Variants in ADAMTSL1 observed in about 807,000 individuals in gnomAD.
ADAMTSL1 encodes ADAMTS-like protein 1.
ADAMTSL1 carries 126 observed loss-of-function variants against 201.8 expected under a neutral mutation model. The observed-to-expected ratio is 0.62, with a 90% CI of 0.54 to 0.72. The LOEUF (loss-of-function observed/expected upper bound fraction) is 0.72. Among genes scored for constraint, ADAMTSL1 ranks in the 30% least tolerant of loss-of-function variants. The probability of loss-of-function intolerance (pLI) is 0.00; values close to 1 mark genes in which losing one functional copy is unlikely to be tolerated. For synonymous variants in ADAMTSL1, 1,121 were observed against 903.4 expected, an observed-to-expected ratio of 1.24 and a Z score of -4.32; for missense variants, 2,679 against 2,277.8, an observed-to-expected ratio of 1.18 and a Z score of -3.59.
intron 2 of ADAMTSL1, among the ~76,000 whole-genome samples, chr9:18,210,147 C>T (rs2132311144): frequency 6.6e-6 from 1 of 151,950 alleles, no homozygotes; most frequent in South Asian, 2.1e-4. Flanking sequence ...TAATGTCAGT[C>T]CCCAAGAGAA....
chr9:18,261,379 A>G (rs980606243), intron 2 of ADAMTSL1, among the ~76,000 whole-genome samples: 3 of 152,190 alleles, frequency 2.0e-5, no homozygotes, highest in Admixed American at 6.5e-5. Context: ...TCTAACACAG[A>G]TAAATAATAA....
intron 2 of ADAMTSL1, among the ~76,000 whole-genome samples, chr9:18,252,990 C>A (rs991212948): frequency 6.6e-6 from 1 of 152,126 alleles, no homozygotes; most frequent in Admixed American, 6.5e-5. Flanking sequence ...TAAATTTTCA[C>A]CATTAGGAAA....
At chr9:18,228,830 CAG>C (rs1830530670) in intron 2 of ADAMTSL1, among the ~76,000 whole-genome samples, 1 of 148,814 alleles carries the variant, frequency 6.7e-6, no homozygotes, top group Admixed American at 6.7e-5. Context: ...GATTGTGATT[CAG>C]AGTTTTTTTG....
chr9:18,202,996 C>A (rs1829510802), intron 2 of ADAMTSL1, among the ~76,000 whole-genome samples: 1 of 152,056 alleles, frequency 6.6e-6, no homozygotes, highest in Non-Finnish European at 1.5e-5. Context: ...TTCTCATGGG[C>A]CACAAATCAT....
chr9:18,000,109 G>T (rs550742465), intron 1 of ADAMTSL1, among the ~76,000 whole-genome samples: 3 of 150,674 alleles, frequency 2.0e-5, no homozygotes, highest in Admixed American at 6.6e-5. Flanking sequence ...TAGTCATATG[G>T]GTATATACCC....
intron 1 of ADAMTSL1, among the ~76,000 whole-genome samples, chr9:18,082,679 C>A (rs12341372): frequency 2.0e-5 from 3 of 151,960 alleles, no homozygotes; most frequent in Non-Finnish European, 4.4e-5. Flanking sequence ...GGTCTCCTGC[C>A]GTAGGCTCAA....
chr9:18,525,949 G>A (rs1401627926), intron 2 of ADAMTSL1, among the ~76,000 whole-genome samples: 1 of 152,220 alleles, frequency 6.6e-6, no homozygotes, highest in African/African-American at 2.4e-5. Flanking sequence ...TTTTGTAGAT[G>A]TCTATTAGAT....
At chr9:18,216,773 T>G (rs991116375) in intron 2 of ADAMTSL1, among the ~76,000 whole-genome samples, 1 of 152,054 alleles carries the variant, frequency 6.6e-6, no homozygotes, top group Non-Finnish European at 1.5e-5. Flanking sequence ...ACTCTAGACA[T>G]TACTACCTTT....
At chr9:18,684,996 T>C in intron 13 of ADAMTSL1, 196 bp downstream of exon 13, 1 of 1,342,108 alleles carries the variant, frequency 7.5e-7, no homozygotes, top group East Asian at 2.9e-5. Context: ...TAAATACTTC[T>C]GTTTTGCCTA....
chr9:17,939,882 A>G (rs1324208402), intron 1 of ADAMTSL1, among the ~76,000 whole-genome samples: 1 of 151,990 alleles, frequency 6.6e-6, no homozygotes, highest in Non-Finnish European at 1.5e-5. Flanking sequence ...TGAAGGGGGG[A>G]GCAAAAGAGT....
At chr9:17,969,969 G>C (rs917490322) in intron 1 of ADAMTSL1, among the ~76,000 whole-genome samples, 2 of 151,996 alleles carry the variant, frequency 1.3e-5, no homozygotes, top group African/African-American at 4.8e-5. Context: ...AAAAGTTGAG[G>C]ATAATAAAAG....
chr9:18,405,559 G>T (rs557888803), intron 2 of ADAMTSL1, among the ~76,000 whole-genome samples: 1 of 151,672 alleles, frequency 6.6e-6, no homozygotes, highest in Admixed American at 6.6e-5. Flanking sequence ...GGGAAAAAAG[G>T]TCATGCCATG....
chr9:17,976,358 A>G (rs1262169867), intron 1 of ADAMTSL1, among the ~76,000 whole-genome samples: 1 of 152,022 alleles, frequency 6.6e-6, no homozygotes, highest in South Asian at 2.1e-4. Context: ...ATTCGTGAAC[A>G]TGGGATATCT....
intron 2 of ADAMTSL1, among the ~76,000 whole-genome samples, chr9:18,241,302 G>C (rs543488546): frequency 1.3e-5 from 2 of 152,028 alleles, no homozygotes; most frequent in East Asian, 3.9e-4. Flanking sequence ...TAATTTCAAC[G>C]TTCAATTATT....
At chr9:18,474,371 G>A in intron 1 of ADAMTSL1, 76 bp downstream of exon 1, 5 of 1,381,626 alleles carry the variant, frequency 3.6e-6, no homozygotes, top group Non-Finnish European at 5.1e-6. Flanking sequence ...GTGTGTATGT[G>A]TGTTTGTGTG....
intron 23 of ADAMTSL1, among the ~76,000 whole-genome samples, chr9:18,834,468 T>A (rs1329078009): frequency 2.0e-5 from 3 of 152,196 alleles, no homozygotes; most frequent in African/African-American, 7.2e-5. Flanking sequence ...TTTGACAATC[T>A]GGTAGTTGAT....
At position 18,419,456 on chromosome 9, in the gene ADAMTSL1, T is replaced by C. The variant is rs371751468; in HGVS notation, c.208-85373T>C. 2.4e-4 allele frequency among the ~76,000 whole-genome samples: 37 copies of C among 152,246 alleles called. No individual in the cohort carries two copies. The South Asian group carries it at 7.3e-3, about 30-fold the overall frequency. ...AGTAGTCCTATTGCTGGATGTTTACTCTAGAGAAATAGAAAATTATGTTTG... is the reference window on the plus strand; with the variant it reads ...AGTAGTCCTATTGCTGGATGTTTACCCTAGAGAAATAGAAAATTATGTTTG... On this transcript the variant is annotated intron_variant, in intron 2 of 29. Coordinates refer to the ADAMTSL1 transcript ENST00000680146.
chr9:18,019,883 A>G (rs887219354), intron 1 of ADAMTSL1, among the ~76,000 whole-genome samples: 1 of 152,086 alleles, frequency 6.6e-6, no homozygotes, highest in African/African-American at 2.4e-5. Flanking sequence ...GTGGAGAATT[A>G]TTCTTAGGCC....
intron 2 of ADAMTSL1, among the ~76,000 whole-genome samples, chr9:18,249,995 G>A (rs983890334): frequency 2.0e-5 from 3 of 152,168 alleles, no homozygotes; most frequent in African/African-American, 4.8e-5. Context: ...AAAATAGCAT[G>A]CTAATGCTTA....
Sources: allele counts gnomAD v4.1 joint callset (sites outside exome capture counted in the v4.1 genomes callset), GRCh38; gene constraint gnomAD v4.1.1; transcripts MANE v1.5; gene names NCBI Gene and HGNC (gene_info 2026-07-23, HGNC 2026-07-21).